The following COL24A1 variants were observed in gnomAD, a reference collection of about 807,000 sequenced individuals.
The protein encoded by COL24A1 is collagen type XXIV alpha 1 chain.
A neutral mutation model predicts 253.9 loss-of-function variants in COL24A1; 224 were observed. The ratio of observed to expected loss-of-function variants is 0.88; its 90% confidence interval spans 0.79 to 0.99. The LOEUF (loss-of-function observed/expected upper bound fraction) is 0.99. Among genes scored for constraint, COL24A1 ranks in the 50% least tolerant of loss-of-function variants. The pLI is 0.00. For missense variants in COL24A1, 2,131 were observed against 2,068.5 expected, an observed-to-expected ratio of 1.03 and a Z score of -0.59; for synonymous variants, 685 against 673.7, an observed-to-expected ratio of 1.02 and a Z score of -0.26.
intron 5 of COL24A1, among the ~76,000 whole-genome samples, chr1:86,110,994 G>C (rs542039661): frequency 6.6e-6 from 1 of 152,244 alleles, no homozygotes; most frequent in African/African-American, 2.4e-5. Flanking sequence ...TCCGCTAGGG[G>C]AAGCCAGCTG....
chr1:85,907,169 G>A, intron 28 of COL24A1, 25 bp downstream of exon 28: 1 of 1,596,250 alleles, frequency 6.3e-7, no homozygotes, highest in Non-Finnish European at 8.6e-7. Context: ...GGGGGTTAAT[G>A]TACTTTTTTC....
chr1:85,747,101 C>CTTTTTTTTTTTTTTTTTTTTTTAT (rs1665303027), intron 55 of COL24A1, among the ~76,000 whole-genome samples: 1 of 111,278 alleles, frequency 9.0e-6, no homozygotes, highest in Non-Finnish European at 1.8e-5. Context: ...TGAATTATAA[C>CTTTTTTTTTTTTTTTTTTTTTTAT]TTTTTTTTTT....
intron 14 of COL24A1, chr1:86,029,902 A>G (rs1279647677): frequency 6.6e-6 from 1 of 152,172 alleles, no homozygotes; most frequent in Non-Finnish European, 1.5e-5. Context: ...AACAATAGGT[A>G]CTGAACCGGA....
intron 58 of COL24A1, among the ~76,000 whole-genome samples, chr1:85,735,169 CT>C (rs1557926102): frequency 6.6e-6 from 1 of 152,106 alleles, no homozygotes; most frequent in Non-Finnish European, 1.5e-5. Context: ...TTCCTGACTC[CT>C]GTGGTAGAAG....
At chr1:85,921,452 T>A (rs1237908188) in intron 24 of COL24A1, among the ~76,000 whole-genome samples, 2 of 152,154 alleles carry the variant, frequency 1.3e-5, no homozygotes, top group East Asian at 3.9e-4. Context: ...GGTGCCCCTC[T>A]GGGATGAAGC....
At chr1:85,918,804 T>C (rs958907432) in intron 24 of COL24A1, among the ~76,000 whole-genome samples, 1 of 152,182 alleles carries the variant, frequency 6.6e-6, no homozygotes, top group Non-Finnish European at 1.5e-5. Context: ...ATGAGAAATA[T>C]CTCAATTTTT....
chr1:86,099,386 TAA>T (rs1322349814), intron 5 of COL24A1, among the ~76,000 whole-genome samples: 3 of 152,016 alleles, frequency 2.0e-5, no homozygotes, highest in Admixed American at 6.6e-5. Context: ...AAGAAAATAA[TAA>T]AGAGTTGAAA....
chr1:85,731,670 T>A (rs554628134), intron 59 of COL24A1, among the ~76,000 whole-genome samples: 1 of 152,306 alleles, frequency 6.6e-6, no homozygotes, highest in Non-Finnish European at 1.5e-5. Context: ...ATACAATAGT[T>A]CTGGCTTCTA....
At chr1:85,853,821 T>G (rs1337026713) in intron 37 of COL24A1, among the ~76,000 whole-genome samples, 1 of 152,170 alleles carries the variant, frequency 6.6e-6, no homozygotes, top group Non-Finnish European at 1.5e-5. Flanking sequence ...GGTTTGTTTG[T>G]TTTTTGCTTA....
At chr1:86,098,909 G>T (rs1227359603) in intron 5 of COL24A1, among the ~76,000 whole-genome samples, 1 of 151,792 alleles carries the variant, frequency 6.6e-6, no homozygotes, top group Non-Finnish European at 1.5e-5. Context: ...CAAAAAAAAT[G>T]GGGGAGGGGA....
At chr1:85,820,363 A>G (rs1331372242) in intron 45 of COL24A1, among the ~76,000 whole-genome samples, 1 of 152,206 alleles carries the variant, frequency 6.6e-6, no homozygotes, top group African/African-American at 2.4e-5. Flanking sequence ...TGTGGGGAGC[A>G]GAGAATGTTA....
chr1:86,030,178 A>G (rs2101489669), intron 14 of COL24A1: 2 of 152,338 alleles, frequency 1.3e-5, no homozygotes, highest in Middle Eastern at 6.8e-3. Context: ...CACAGAGCAT[A>G]AGGTCAAAAA....
chr1:86,110,327 G>C (rs1200037381), intron 5 of COL24A1, among the ~76,000 whole-genome samples: 2 of 149,950 alleles, frequency 1.3e-5, no homozygotes, highest in African/African-American at 4.9e-5. Flanking sequence ...CTGTGTACCT[G>C]TATTCTTCCA....
chr1:85,961,386 T>C, intron 23 of COL24A1, 93 bp from the exon 24 acceptor site: 1 of 1,004,412 alleles, frequency 1.0e-6, no homozygotes, highest in Non-Finnish European at 1.5e-6. Flanking sequence ...TGTAATTATC[T>C]AGTCATAACC....
At chr1:86,059,075 A>C (rs376608381) in intron 9 of COL24A1, 46 bp downstream of exon 9, 75 of 1,328,306 alleles carry the variant, frequency 5.6e-5, no homozygotes, top group Non-Finnish European at 6.3e-6. Flanking sequence ...ACAATGTATT[A>C]ATAAATAGGA....
At chr1:85,951,347 G>C (rs185965641) in intron 24 of COL24A1, among the ~76,000 whole-genome samples, 1 of 152,272 alleles carries the variant, frequency 6.6e-6, no homozygotes, top group Non-Finnish European at 1.5e-5. Flanking sequence ...GAATCTAACT[G>C]GGCGTGGAGA....
chr1:85,900,201 T>C (rs1353418077), intron 28 of COL24A1, among the ~76,000 whole-genome samples: 1 of 152,076 alleles, frequency 6.6e-6, no homozygotes, highest in Non-Finnish European at 1.5e-5. Flanking sequence ...TTCAGTGCAA[T>C]CCCTATCAAA....
At chr1:85,976,205 G>T (rs981786869) in intron 20 of COL24A1, among the ~76,000 whole-genome samples, 4 of 152,212 alleles carry the variant, frequency 2.6e-5, no homozygotes, top group Non-Finnish European at 5.9e-5. Flanking sequence ...GGCGAGGCCT[G>T]AAAGCCTTGC....
chr1:85,974,234 T>C (rs1401447979), intron 20 of COL24A1, among the ~76,000 whole-genome samples: 1 of 152,114 alleles, frequency 6.6e-6, no homozygotes. Flanking sequence ...CTTGATCTAG[T>C]GGTCATCTAT....
Sources: gnomAD v4.1 joint callset for allele counts (sites outside exome capture counted in the v4.1 genomes callset) on GRCh38, gnomAD v4.1.1 for gene constraint, MANE v1.5 for transcripts, NCBI Gene and HGNC (gene_info 2026-07-23, HGNC 2026-07-21) for gene names.